Variants in EYS observed in about 807,000 individuals in gnomAD.
The protein encoded by EYS is EGF-like photoreceptor maintenance factor.
In EYS, 250 loss-of-function variants were observed where a neutral mutation model predicts 282.1. The observed-to-expected ratio is 0.89, with a 90% CI of 0.80 to 0.98. EYS has a LOEUF of 0.98. Ranked by LOEUF, EYS falls within the 50% of genes least tolerant of loss-of-function variation. The pLI is 0.00. For synonymous variants in EYS, 1,355 were observed against 1,282.9 expected (o/e 1.06, Z -1.20); for missense variants, 4,016 against 3,709.0 (o/e 1.08, Z -2.15).
chr6:65,397,802 T>C (rs1161899228), intron 7 of EYS, among the ~76,000 whole-genome samples: 3 of 152,170 alleles, frequency 2.0e-5, no homozygotes, highest in South Asian at 2.1e-4. Context: ...AAAATGGTAA[T>C]TCTATTTTTA....
intron 19 of EYS, among the ~76,000 whole-genome samples, chr6:64,869,038 G>A (rs1206501399): frequency 2.0e-5 from 3 of 151,398 alleles, no homozygotes; most frequent in Admixed American, 6.6e-5. Flanking sequence ...TAATATGCTA[G>A]AAATTGAGTT....
intron 42 of EYS, among the ~76,000 whole-genome samples, chr6:63,725,083 A>C (rs748617600): frequency 9.2e-5 from 14 of 152,168 alleles, no homozygotes; most frequent in Non-Finnish European, 2.9e-5. Context: ...TGGTTAATCT[A>C]GGTTTAAGCA....
At chr6:63,828,945 A>G (rs1771548821) in intron 36 of EYS, among the ~76,000 whole-genome samples, 1 of 152,206 alleles carries the variant, frequency 6.6e-6, no homozygotes, top group South Asian at 2.1e-4. Flanking sequence ...TAAAAGTAGA[A>G]CTACCATTTG....
intron 31 of EYS, among the ~76,000 whole-genome samples, chr6:64,157,271 A>G (rs1169793884): frequency 2.0e-5 from 3 of 151,958 alleles, no homozygotes; most frequent in Non-Finnish European, 4.4e-5. Context: ...TATGTTCCAC[A>G]TTTTCTTAAT....
chr6:64,881,275 G>T (rs1766910551), intron 19 of EYS, among the ~76,000 whole-genome samples: 1 of 151,786 alleles, frequency 6.6e-6, no homozygotes, highest in African/African-American at 2.4e-5. Context: ...AGAGTTAACT[G>T]AAAGTCATAC....
rs112332885 is a variant in EYS at position 64,668,862 on chromosome 6, T to C, written c.3444-42617A>G. On this transcript the variant is annotated intron_variant, in intron 22 of 42. Transcript: ENST00000503581. ...TATTACAGGTGTGAGCCACCACACC[T>C]GGCCGCTAGTACCATAATTCTTGTG... 4.4e-3 allele frequency among the ~76,000 whole-genome samples: 665 copies of C among 152,146 alleles called. 4 individuals are homozygous for C. Among genetic ancestry groups the C allele is most frequent in the African/African-American group, 0.015 (613 of 41,512 alleles).
intron 1 of EYS, among the ~76,000 whole-genome samples, chr6:65,652,817 ATGAGATTGTACT>A (rs1442423047): frequency 1.3e-5 from 2 of 152,000 alleles, no homozygotes; most frequent in Non-Finnish European, 2.9e-5. Context: ...TTAATGAATC[ATGAGATTGTACT>A]TATGTTAAAT....
At chr6:65,581,152 T>C (rs1024492841) in intron 2 of EYS, among the ~76,000 whole-genome samples, 1 of 152,124 alleles carries the variant, frequency 6.6e-6, no homozygotes, top group African/African-American at 2.4e-5. Context: ...GGGACTTCTT[T>C]GCAACTTTGC....
intron 8 of EYS, among the ~76,000 whole-genome samples, chr6:65,354,110 A>G (rs1021681391): frequency 4.6e-5 from 7 of 152,170 alleles, no homozygotes; most frequent in African/African-American, 1.7e-4. Flanking sequence ...AAATACAAAA[A>G]TCATATATAG....
At chr6:64,590,155 G>T (rs1354262247) in intron 26 of EYS, 68 bp downstream of exon 26, 3 of 1,347,314 alleles carry the variant, frequency 2.2e-6, no homozygotes, top group Non-Finnish European at 3.0e-6. Context: ...ACCATGACAG[G>T]CTCTTTCTTC....
chr6:65,388,540 G>A (rs1204015674), intron 7 of EYS, among the ~76,000 whole-genome samples: 2 of 151,984 alleles, frequency 1.3e-5, no homozygotes, highest in African/African-American at 2.4e-5. Flanking sequence ...TCTGGGAAAT[G>A]TGCACTTCAG....
intron 34 of EYS, among the ~76,000 whole-genome samples, chr6:63,985,514 C>T (rs946290194): frequency 4.0e-5 from 6 of 151,732 alleles, no homozygotes; most frequent in African/African-American, 9.7e-5. Context: ...GCAAAATGTA[C>T]GGTGCTTGCA....
At chr6:64,301,194 T>A (rs1347656735) in intron 30 of EYS, among the ~76,000 whole-genome samples, 2 of 152,222 alleles carry the variant, frequency 1.3e-5, no homozygotes, top group Non-Finnish European at 2.9e-5. Context: ...AAAACTTACG[T>A]ACCTTAAATG....
intron 28 of EYS, among the ~76,000 whole-genome samples, chr6:64,430,296 G>T (rs922411893): frequency 1.1e-4 from 16 of 152,216 alleles, no homozygotes; most frequent in Non-Finnish European, 1.8e-4. Flanking sequence ...ACATAAGAAG[G>T]TATATGATGT....
intron 29 of EYS, among the ~76,000 whole-genome samples, chr6:64,338,278 A>C (rs1770938331): frequency 6.6e-6 from 1 of 152,034 alleles, no homozygotes; most frequent in Non-Finnish European, 1.5e-5. Flanking sequence ...GAATTCAGCA[A>C]AGTTTCTGGA....
intron 22 of EYS, among the ~76,000 whole-genome samples, chr6:64,696,353 G>C (rs1055811646): frequency 6.6e-6 from 1 of 152,118 alleles, no homozygotes; most frequent in Non-Finnish European, 1.5e-5. Flanking sequence ...CAAAGCCTTT[G>C]AGAAGTATGG....
intron 22 of EYS, among the ~76,000 whole-genome samples, chr6:64,653,417 C>G (rs1196187159): frequency 6.6e-6 from 1 of 152,152 alleles, no homozygotes; most frequent in Non-Finnish European, 1.5e-5. Context: ...CAAAATTTAA[C>G]AGTGACTGTC....
At chr6:63,848,832 G>T (rs1040251489) in intron 36 of EYS, among the ~76,000 whole-genome samples, 5 of 152,136 alleles carry the variant, frequency 3.3e-5, no homozygotes, top group Admixed American at 6.5e-5. Flanking sequence ...CAGCGAGACA[G>T]AACTGTTCAC....
intron 2 of EYS, among the ~76,000 whole-genome samples, chr6:65,536,971 T>C (rs1767983681): frequency 6.6e-6 from 1 of 152,160 alleles, no homozygotes; most frequent in Non-Finnish European, 1.5e-5. Context: ...ACAAGTTTTA[T>C]AACTAAACAG....
Sources: gnomAD v4.1 joint callset for allele counts (sites outside exome capture counted in the v4.1 genomes callset) on GRCh38, gnomAD v4.1.1 for gene constraint, MANE v1.5 for transcripts, NCBI Gene and HGNC (gene_info 2026-07-23, HGNC 2026-07-21) for gene names.